Variants in CNTNAP2 observed in about 807,000 individuals in gnomAD.
CNTNAP2 encodes contactin-associated protein-like 2.
A neutral mutation model predicts 155.2 loss-of-function variants in CNTNAP2; 98 were observed. The observed-to-expected ratio is 0.63, with a 90% CI of 0.54 to 0.75. The LOEUF (loss-of-function observed/expected upper bound fraction) is 0.75, where lower values mean the gene tolerates loss of function less well. Among genes scored for constraint, CNTNAP2 ranks in the 30% least tolerant of loss-of-function variants. The pLI is 0.00. For synonymous variants in CNTNAP2, 651 were observed against 631.2 expected (o/e 1.03, Z -0.47); for missense variants, 1,727 against 1,688.1 (o/e 1.02, Z -0.40).
intron 10 of CNTNAP2, among the ~76,000 whole-genome samples, chr7:147,447,470 C>T (rs963873821): frequency 3.3e-5 from 5 of 152,158 alleles, no homozygotes; most frequent in African/African-American, 9.7e-5. Flanking sequence ...GGCTGGAGTG[C>T]GGTGGCACAA....
At chr7:148,310,478 A>C (rs1797575275) in intron 21 of CNTNAP2, among the ~76,000 whole-genome samples, 1 of 152,208 alleles carries the variant, frequency 6.6e-6, no homozygotes, top group African/African-American at 2.4e-5. Context: ...GTCGTGACAG[A>C]GGTTGAAATG....
chr7:148,146,863 T>A (rs1279398377), intron 16 of CNTNAP2, among the ~76,000 whole-genome samples: 1 of 152,136 alleles, frequency 6.6e-6, no homozygotes, highest in African/African-American at 2.4e-5. Context: ...TCCCCAACTT[T>A]CAAAAGAGTA....
At chr7:146,856,575 C>A (rs955402475) in intron 3 of CNTNAP2, among the ~76,000 whole-genome samples, 2 of 152,082 alleles carry the variant, frequency 1.3e-5, no homozygotes, top group Admixed American at 1.3e-4. Context: ...TAAAGTGTCT[C>A]TTACAAATCA....
chr7:147,510,919 T>G, intron 11 of CNTNAP2, among the ~76,000 whole-genome samples: 1 of 143,652 alleles, frequency 7.0e-6, no homozygotes, highest in Non-Finnish European at 1.5e-5. Flanking sequence ...TTACTGAACT[T>G]GGATACCACC....
At chr7:147,894,797 A>G (rs879862141) in intron 13 of CNTNAP2, among the ~76,000 whole-genome samples, 7 of 152,002 alleles carry the variant, frequency 4.6e-5, no homozygotes, top group Non-Finnish European at 8.8e-5. Context: ...TGTGTAGCCC[A>G]GAAGTTCCGA....
At chr7:148,226,409 G>A (rs1415796563) in intron 19 of CNTNAP2, among the ~76,000 whole-genome samples, 1 of 151,928 alleles carries the variant, frequency 6.6e-6, no homozygotes, top group Non-Finnish European at 1.5e-5. Flanking sequence ...TCAGGTGATG[G>A]TCAGGCAGTT....
intron 8 of CNTNAP2, among the ~76,000 whole-genome samples, chr7:147,138,686 C>T (rs895770256): frequency 6.6e-6 from 1 of 151,954 alleles, no homozygotes; most frequent in Non-Finnish European, 1.5e-5. Context: ...TAGATATTGA[C>T]TTATTCTTTA....
chr7:146,909,026 T>A (rs1796212681), intron 3 of CNTNAP2, among the ~76,000 whole-genome samples: 1 of 150,986 alleles, frequency 6.6e-6, no homozygotes, highest in Admixed American at 6.6e-5. Context: ...TACAAACACC[T>A]CTACGCAAAT....
intron 1 of CNTNAP2, among the ~76,000 whole-genome samples, chr7:146,240,384 T>A (rs1283623109): frequency 1.3e-5 from 2 of 152,068 alleles, no homozygotes; most frequent in African/African-American, 4.8e-5. Context: ...AGGTCTAATA[T>A]AGAAAAATTA....
rs1247851428 is a variant in CNTNAP2, at chr7:146,233,164, CA to C, written c.97+116199del. Among the ~76,000 whole-genome samples the C allele has an allele frequency of 3.4e-5, 5 of 146,138 alleles. No homozygotes were observed. In the East Asian group the frequency reaches 8.4e-4, roughly 25 times the overall value. On this transcript the variant is annotated intron_variant, in intron 1 of 23. Transcript: ENST00000361727. Reference sequence around the variant, plus strand: ...TGTATTCAGGTGAAAAAGAAAAATCCAAAAAAAAGTGTTTTTTTTTATTATG... The same window carrying C: ...TGTATTCAGGTGAAAAAGAAAAATCCAAAAAAAGTGTTTTTTTTTATTATG...
intron 15 of CNTNAP2, among the ~76,000 whole-genome samples, chr7:148,077,670 GAGGC>G (rs1210491501): frequency 6.6e-6 from 1 of 152,058 alleles, no homozygotes; most frequent in Non-Finnish European, 1.5e-5. Context: ...AGACTAAATG[GAGGC>G]AGTACAATTA....
At chr7:148,252,296 G>A (rs1796376924) in intron 20 of CNTNAP2, among the ~76,000 whole-genome samples, 1 of 152,144 alleles carries the variant, frequency 6.6e-6, no homozygotes, top group Admixed American at 6.5e-5. Context: ...ACACCGACAT[G>A]TGCTTGAGTC....
intron 1 of CNTNAP2, among the ~76,000 whole-genome samples, chr7:146,452,256 A>G (rs1796495387): frequency 6.6e-6 from 1 of 152,050 alleles, no homozygotes; most frequent in African/African-American, 2.4e-5. Context: ...TTCTATTATA[A>G]TAATTGTTTT....
chr7:147,577,691 C>G (rs1012268636), intron 12 of CNTNAP2, among the ~76,000 whole-genome samples: 1 of 151,518 alleles, frequency 6.6e-6, no homozygotes, highest in Non-Finnish European at 1.5e-5. Flanking sequence ...TTCTCAATAG[C>G]TACCCCATTT....
At chr7:147,742,639 G>C (rs760827872) in intron 13 of CNTNAP2, among the ~76,000 whole-genome samples, 1 of 152,112 alleles carries the variant, frequency 6.6e-6, no homozygotes, top group African/African-American at 2.4e-5. Flanking sequence ...ATAAGGTTTC[G>C]CTCATGTAGA....
chr7:148,334,975 C>G (rs1221204330), intron 21 of CNTNAP2, among the ~76,000 whole-genome samples: 1 of 152,212 alleles, frequency 6.6e-6, no homozygotes, highest in Non-Finnish European at 1.5e-5. Flanking sequence ...TGGAACCACT[C>G]AAAGACGGGG....
At chr7:147,012,220 CTAAA>C (rs1240737902) in intron 3 of CNTNAP2, among the ~76,000 whole-genome samples, 1 of 152,048 alleles carries the variant, frequency 6.6e-6, no homozygotes, top group South Asian at 2.1e-4. Flanking sequence ...TTGGGGAACT[CTAAA>C]TAAGCTTTGT....
chr7:146,165,894 C>G (rs117324224), intron 1 of CNTNAP2, among the ~76,000 whole-genome samples: 2,904 of 152,194 alleles, frequency 0.019, 28 homozygotes, highest in Middle Eastern at 0.041. Context: ...AATGGTATAT[C>G]AACCCTTCTT....
At chr7:147,716,961 C>G (rs1796488459) in intron 13 of CNTNAP2, among the ~76,000 whole-genome samples, 1 of 152,034 alleles carries the variant, frequency 6.6e-6, no homozygotes, top group Non-Finnish European at 1.5e-5. Flanking sequence ...ATACCTTTCC[C>G]TTCTCTAATA....
Sources: gnomAD v4.1 joint callset for allele counts (sites outside exome capture counted in the v4.1 genomes callset) on GRCh38, gnomAD v4.1.1 for gene constraint, MANE v1.5 for transcripts, NCBI Gene and HGNC (gene_info 2026-07-23, HGNC 2026-07-21) for gene names.